SGCZ: variants seen among roughly 807,000 people sequenced by gnomAD.
The protein encoded by SGCZ is zeta-sarcoglycan.
A neutral mutation model predicts 41.3 loss-of-function variants in SGCZ; 40 were observed. That is an observed-to-expected ratio of 0.97 (90% CI 0.75 to 1.26). The LOEUF (loss-of-function observed/expected upper bound fraction) is 1.26, where lower values mean the gene tolerates loss of function less well. Among genes scored for constraint, SGCZ ranks in the 50% most tolerant of loss-of-function variants. The pLI is 0.00. For synonymous variants in SGCZ, 206 were observed against 137.5 expected (o/e 1.50, Z -3.49); for missense variants, 552 against 369.8 (o/e 1.49, Z -4.04).
chr8:14,355,112 C>A (rs1464112963), intron 2 of SGCZ, among the ~76,000 whole-genome samples: 1 of 151,974 alleles, frequency 6.6e-6, no homozygotes, highest in African/African-American at 2.4e-5. Context: ...CTATATCTAA[C>A]TGATGATACC....
intron 1 of SGCZ, among the ~76,000 whole-genome samples, chr8:15,206,799 G>C (rs1319669167): frequency 1.3e-5 from 2 of 151,920 alleles, no homozygotes; most frequent in East Asian, 3.9e-4. Context: ...TATTGTAGGA[G>C]TCATCTAAGA....
intron 2 of SGCZ, among the ~76,000 whole-genome samples, chr8:14,401,056 G>A (rs917437897): frequency 1.3e-5 from 2 of 152,126 alleles, no homozygotes; most frequent in Non-Finnish European, 2.9e-5. Flanking sequence ...CCTGTACGCT[G>A]ACCTCCCTGT....
At chr8:14,891,390 G>C (rs1405334735) in intron 1 of SGCZ, among the ~76,000 whole-genome samples, 1 of 152,218 alleles carries the variant, frequency 6.6e-6, no homozygotes, top group Non-Finnish European at 1.5e-5. Flanking sequence ...CAAGACTTCA[G>C]TGGAGAGAGT....
At chr8:14,226,073 C>T (rs1209247266) in intron 4 of SGCZ, among the ~76,000 whole-genome samples, 2 of 151,820 alleles carry the variant, frequency 1.3e-5, no homozygotes, top group Admixed American at 6.6e-5. Context: ...GGGGGGCTAC[C>T]ATGTGTCAAG....
chr8:14,869,244 T>C (rs1210493760), intron 1 of SGCZ, among the ~76,000 whole-genome samples: 2 of 152,224 alleles, frequency 1.3e-5, no homozygotes, highest in East Asian at 1.9e-4. Context: ...TCCACCACGA[T>C]TAAGTTGACG....
chr8:15,108,653 G>GGT (rs1037074983), intron 1 of SGCZ, among the ~76,000 whole-genome samples: 16 of 152,216 alleles, frequency 1.1e-4, no homozygotes, highest in African/African-American at 3.4e-4. Context: ...CTACGCATAT[G>GGT]GTGTGTGTGA....
intron 1 of SGCZ, among the ~76,000 whole-genome samples, chr8:14,939,754 A>G (rs1267321383): frequency 1.3e-5 from 2 of 152,118 alleles, no homozygotes; most frequent in African/African-American, 2.4e-5. Context: ...AGACCGGCGC[A>G]AACAGTGTTC....
Position 14,491,305 on chromosome 8 carries a change from A to G in SGCZ, c.234+63427T>C, listed in dbSNP as rs536535052. 1.2e-4 allele frequency among the ~76,000 whole-genome samples: 18 copies of G among 148,452 alleles called. No homozygotes were observed. In the South Asian group the frequency reaches 3.8e-3, roughly 31 times the overall value. On this transcript the variant is annotated intron_variant, in intron 2 of 7. Coordinates refer to ENST00000382080, the MANE Select transcript of SGCZ (RefSeq NM_139167.4). The stretch of plus-strand genomic sequence containing the variant: ...CCCACACACACACACACTCCAGTGG[A>G]TCAACACATAAAATACTCTACAGGC...
chr8:14,525,173 TAGATAGATAGATA>T (rs1563385926), intron 2 of SGCZ, among the ~76,000 whole-genome samples: 2 of 117,932 alleles, frequency 1.7e-5, no homozygotes, highest in Non-Finnish European at 3.2e-5. Context: ...GATAGATAGA[TAGATAGATAGATA>T]GATAGATAGA....
chr8:14,777,704 G>C (rs1800452508), intron 1 of SGCZ, among the ~76,000 whole-genome samples: 1 of 151,950 alleles, frequency 6.6e-6, no homozygotes, highest in Admixed American at 6.6e-5. Flanking sequence ...AAATGGTTTA[G>C]AAAAAAAGTG....
At chr8:15,187,065 C>A (rs963756764) in intron 1 of SGCZ, among the ~76,000 whole-genome samples, 3 of 152,224 alleles carry the variant, frequency 2.0e-5, no homozygotes, top group African/African-American at 7.2e-5. Flanking sequence ...AATCAGCCAA[C>A]AAGAAGTTTT....
At chr8:14,675,357 A>C (rs1463220122) in intron 1 of SGCZ, among the ~76,000 whole-genome samples, 1 of 152,164 alleles carries the variant, frequency 6.6e-6, no homozygotes, top group East Asian at 1.9e-4. Context: ...TTCTCTCTTT[A>C]GAATGTACAA....
At chr8:14,580,204 T>A (rs2117254891) in intron 1 of SGCZ, among the ~76,000 whole-genome samples, 1 of 152,268 alleles carries the variant, frequency 6.6e-6, no homozygotes. Flanking sequence ...GGGTCAACAG[T>A]AGAACAGGAA....
At chr8:14,485,412 G>C (rs558087551) in intron 2 of SGCZ, among the ~76,000 whole-genome samples, 1 of 151,606 alleles carries the variant, frequency 6.6e-6, no homozygotes, top group South Asian at 2.1e-4. Flanking sequence ...AATTTTTTGT[G>C]TTTTTAGTAG....
chr8:14,918,133 G>A (rs748989320), intron 1 of SGCZ, among the ~76,000 whole-genome samples: 17 of 152,134 alleles, frequency 1.1e-4, no homozygotes, highest in Middle Eastern at 3.2e-3. Context: ...TTTTAAGATG[G>A]AAAATGAGGT....
At chr8:14,649,621 G>A (rs1451164822) in intron 1 of SGCZ, among the ~76,000 whole-genome samples, 2 of 151,956 alleles carry the variant, frequency 1.3e-5, no homozygotes, top group African/African-American at 2.4e-5. Context: ...CCTAACTGTC[G>A]AAAGCTCAGC....
intron 1 of SGCZ, among the ~76,000 whole-genome samples, chr8:14,855,582 A>G (rs1388394633): frequency 1.3e-5 from 2 of 152,148 alleles, no homozygotes; most frequent in Non-Finnish European, 2.9e-5. Flanking sequence ...CTAGCCACCA[A>G]GTAGATTTTG....
intron 1 of SGCZ, among the ~76,000 whole-genome samples, chr8:14,822,077 C>CAA (rs1802113147): frequency 7.2e-6 from 1 of 138,122 alleles, no homozygotes; most frequent in Non-Finnish European, 1.6e-5. Flanking sequence ...AAAGATTACA[C>CAA]ACACACACAC....
intron 5 of SGCZ, among the ~76,000 whole-genome samples, chr8:14,134,118 T>C (rs770297917): frequency 2.6e-5 from 4 of 152,234 alleles, no homozygotes; most frequent in Admixed American, 6.5e-5. Context: ...AGCATAACAA[T>C]TGACAAATAT....
Sources: allele counts gnomAD v4.1 joint callset (sites outside exome capture counted in the v4.1 genomes callset), GRCh38; gene constraint gnomAD v4.1.1; transcripts MANE v1.5; gene names NCBI Gene and HGNC (gene_info 2026-07-23, HGNC 2026-07-21).